The following KCTD8 variants were observed in gnomAD, a reference collection of about 807,000 sequenced individuals.
The protein encoded by KCTD8 is potassium channel tetramerization domain containing 8, also known as BTB/POZ domain-containing protein KCTD8.
Under a neutral mutation model 31.5 loss-of-function variants are expected in KCTD8, and 27 were observed. That is an observed-to-expected ratio of 0.86 (90% CI 0.63 to 1.18). The LOEUF (loss-of-function observed/expected upper bound fraction) is 1.18, where lower values mean the gene tolerates loss of function less well. Ranked by LOEUF, KCTD8 falls within the 50% of genes most tolerant of loss-of-function variation. The pLI, the probability that KCTD8 is intolerant of heterozygous loss-of-function variation, is 0.00. For synonymous variants in KCTD8, 290 were observed against 280.0 expected (o/e 1.04, Z -0.36); for missense variants, 658 against 647.7 (o/e 1.02, Z -0.17).
intron 1 of KCTD8, among the ~76,000 whole-genome samples, chr4:44,348,714 C>T (rs867091730): frequency 1.3e-5 from 2 of 152,110 alleles, no homozygotes; most frequent in African/African-American, 4.8e-5. Flanking sequence ...CTTTTCAGTC[C>T]TTGTTGCTTA....
chr4:44,190,832 T>C (rs1158834605), intron 1 of KCTD8, among the ~76,000 whole-genome samples: 1 of 152,224 alleles, frequency 6.6e-6, no homozygotes, highest in Non-Finnish European at 1.5e-5. Flanking sequence ...AACTCCACTG[T>C]TGGACAAGTA....
chr4:44,414,954 C>A (rs977298156), intron 1 of KCTD8, among the ~76,000 whole-genome samples: 8 of 152,110 alleles, frequency 5.3e-5, no homozygotes, highest in African/African-American at 1.7e-4. Context: ...CAGAAGGAGA[C>A]AGGAAGCCAA....
At chr4:44,293,618 A>AT (rs138597332) in intron 1 of KCTD8, 2,341 of 320,030 alleles carry the variant, frequency 7.3e-3, no homozygotes, top group South Asian at 0.012. Context: ...CTAGTCTTTA[A>AT]TTTTTTTTTT....
intron 1 of KCTD8, among the ~76,000 whole-genome samples, chr4:44,241,610 CTATT>C (rs1237054317): frequency 6.6e-6 from 1 of 152,300 alleles, no homozygotes; most frequent in South Asian, 2.1e-4. Flanking sequence ...AAGATGAATA[CTATT>C]TATTTAATCT....
intron 1 of KCTD8, among the ~76,000 whole-genome samples, chr4:44,333,870 GAA>G: frequency 6.6e-6 from 1 of 151,966 alleles, no homozygotes; most frequent in Admixed American, 6.6e-5. Flanking sequence ...AAGAAGTTAA[GAA>G]AAAAAGTCGA....
intron 1 of KCTD8, among the ~76,000 whole-genome samples, chr4:44,229,633 G>A (rs1339868603): frequency 2.0e-5 from 3 of 152,094 alleles, no homozygotes; most frequent in Non-Finnish European, 2.9e-5. Flanking sequence ...ACTTGACCTT[G>A]GTGCCCGCTT....
At chr4:44,198,402 T>A (rs1445656385) in intron 1 of KCTD8, among the ~76,000 whole-genome samples, 4 of 152,094 alleles carry the variant, frequency 2.6e-5, no homozygotes, top group Non-Finnish European at 5.9e-5. Flanking sequence ...TAAAGGCAGA[T>A]ATAGAGAAAG....
chr4:44,350,959 G>T (rs529006210), intron 1 of KCTD8, among the ~76,000 whole-genome samples: 12 of 151,994 alleles, frequency 7.9e-5, no homozygotes, highest in Admixed American at 4.6e-4. Flanking sequence ...ACTCAATATT[G>T]GCTACCTGGG....
At chr4:44,348,482 G>A (rs773398673) in intron 1 of KCTD8, among the ~76,000 whole-genome samples, 4 of 152,138 alleles carry the variant, frequency 2.6e-5, no homozygotes, top group Non-Finnish European at 5.9e-5. Context: ...AAAGATGCAA[G>A]TTAAGTGTGT....
intron 1 of KCTD8, among the ~76,000 whole-genome samples, chr4:44,214,013 T>C (rs1463474751): frequency 6.6e-6 from 1 of 152,218 alleles, no homozygotes; most frequent in Non-Finnish European, 1.5e-5. Flanking sequence ...GTCTTTTATA[T>C]GCCTAACAAT....
intron 1 of KCTD8, among the ~76,000 whole-genome samples, chr4:44,179,595 C>A (rs960524536): frequency 1.3e-5 from 2 of 151,022 alleles, no homozygotes; most frequent in Non-Finnish European, 3.0e-5. Flanking sequence ...AAGGTGAACT[C>A]CCAATCAGAC....
At chr4:44,252,074 T>A (rs1383681318) in intron 1 of KCTD8, among the ~76,000 whole-genome samples, 1 of 151,756 alleles carries the variant, frequency 6.6e-6, no homozygotes, top group Non-Finnish European at 1.5e-5. Flanking sequence ...TACATCCTTA[T>A]AGCTTAGCTC....
At chr4:44,265,761 G>C (rs1716329852) in intron 1 of KCTD8, among the ~76,000 whole-genome samples, 1 of 152,170 alleles carries the variant, frequency 6.6e-6, no homozygotes, top group South Asian at 2.1e-4. Context: ...AGCCTCAGGA[G>C]CCGACGCAAT....
intron 1 of KCTD8, chr4:44,293,628 T>C (rs1432109441): frequency 2.0e-5 from 7 of 345,444 alleles, no homozygotes; most frequent in Non-Finnish European, 3.4e-5. Context: ...ATTTTTTTTT[T>C]CTAGGAATCT....
chr4:44,370,752 C>G (rs1719762205), intron 1 of KCTD8, among the ~76,000 whole-genome samples: 1 of 152,112 alleles, frequency 6.6e-6, no homozygotes, highest in African/African-American at 2.4e-5. Flanking sequence ...ACTGCTAAGT[C>G]TAGCTAAAAG....
intron 1 of KCTD8, among the ~76,000 whole-genome samples, chr4:44,302,790 T>G (rs57116251): frequency 1.3e-5 from 2 of 151,904 alleles, no homozygotes; most frequent in Non-Finnish European, 2.9e-5. Context: ...CATCCCTGTC[T>G]TGTGCCAGTT....
At chr4:44,415,039 C>T (rs1325990222) in intron 1 of KCTD8, among the ~76,000 whole-genome samples, 1 of 152,162 alleles carries the variant, frequency 6.6e-6, no homozygotes, top group Non-Finnish European at 1.5e-5. Context: ...GGACAAAGGA[C>T]AGGCTGATGG....
intron 1 of KCTD8, among the ~76,000 whole-genome samples, chr4:44,227,638 C>G (rs1715003706): frequency 6.6e-6 from 1 of 152,158 alleles, no homozygotes; most frequent in Non-Finnish European, 1.5e-5. Context: ...TCAGTATTCT[C>G]ATTATCTGTG....
At chr4:44,444,916 A>C (rs1721903796) in intron 1 of KCTD8, among the ~76,000 whole-genome samples, 1 of 152,202 alleles carries the variant, frequency 6.6e-6, no homozygotes, top group African/African-American at 2.4e-5. Context: ...TTATACACTA[A>C]ATAAATGTCA....
Sources: allele counts gnomAD v4.1 joint callset (sites outside exome capture counted in the v4.1 genomes callset), GRCh38; gene constraint gnomAD v4.1.1; transcripts MANE v1.5; gene names NCBI Gene and HGNC (gene_info 2026-07-23, HGNC 2026-07-21).